The following NEBL variants were observed in gnomAD, a reference collection of about 807,000 sequenced individuals.
The protein encoded by NEBL is LIM and SH3 protein 2.
In NEBL, 122 loss-of-function variants were observed where a neutral mutation model predicts 140.2. The observed-to-expected ratio is 0.87, with a 90% CI of 0.75 to 1.01. The LOEUF (loss-of-function observed/expected upper bound fraction) is 1.01, where lower values mean the gene tolerates loss of function less well. Ranked by LOEUF, NEBL falls within the 50% of genes least tolerant of loss-of-function variation. NEBL has a pLI of 0.00. For missense variants in NEBL, 1,365 were observed against 1,231.3 expected (o/e 1.11, Z -1.62); for synonymous variants, 436 against 398.9 (o/e 1.09, Z -1.11).
intron 26 of NEBL, among the ~76,000 whole-genome samples, chr10:20,805,319 T>A (rs1837508415): frequency 6.6e-6 from 1 of 152,328 alleles, no homozygotes; most frequent in Middle Eastern, 3.4e-3. Context: ...AGAATGTGCT[T>A]TGCTTCACTT....
At chr10:20,811,995 A>G (rs898741330) in intron 24 of NEBL, among the ~76,000 whole-genome samples, 1 of 152,206 alleles carries the variant, frequency 6.6e-6, no homozygotes, top group Non-Finnish European at 1.5e-5. Flanking sequence ...AGGAACAGAT[A>G]GCAGGAATAA....
rs1229158872 is a variant in NEBL, at chr10:20,888,083, T to C, written c.369+14A>G. On this transcript the variant is annotated intron_variant, in intron 4 of 27. Transcript: ENST00000377122. ...TTATCTACAAAATCATGAAACACTT[T>C]AGAAAAACCCTACCTCACTCTGGAG... The C allele has an allele frequency of 3.9e-6, 6 of 1,547,822 alleles. No homozygotes were observed. The highest frequency in any genetic ancestry group is 4.5e-5 in the East Asian group (2 of 44,520).
At chr10:20,798,598 T>A (rs1836803112) in intron 26 of NEBL, among the ~76,000 whole-genome samples, 1 of 152,230 alleles carries the variant, frequency 6.6e-6, no homozygotes, top group Admixed American at 6.5e-5. Flanking sequence ...TATTTTCTCC[T>A]TTACATGCAT....
chr10:21,067,529 CA>C (rs1835622055), intron 2 of NEBL, among the ~76,000 whole-genome samples: 1 of 151,766 alleles, frequency 6.6e-6, no homozygotes, highest in African/African-American at 2.4e-5. Context: ...TTATGTATGC[CA>C]AAAAACAAAT....
chr10:21,114,349 T>A (rs1319565121), intron 2 of NEBL, among the ~76,000 whole-genome samples: 1 of 152,124 alleles, frequency 6.6e-6, no homozygotes, highest in East Asian at 1.9e-4. Flanking sequence ...CAAAATATGG[T>A]CTATCTTGGT....
chr10:21,034,167 G>GAA (rs964552949), intron 2 of NEBL, among the ~76,000 whole-genome samples: 359 of 32,724 alleles, frequency 0.011, 9 homozygotes, highest in African/African-American at 0.024. Context: ...ACCCTATCTC[G>GAA]AAAAAAAAAA....
intron 11 of NEBL, among the ~76,000 whole-genome samples, chr10:20,847,782 T>G (rs1842088149): frequency 6.6e-6 from 1 of 152,208 alleles, no homozygotes; most frequent in Non-Finnish European, 1.5e-5. Flanking sequence ...TTAACCCATT[T>G]CCGTTTTGCC....
At chr10:20,913,267 A>G (rs1848405083) in intron 4 of NEBL, among the ~76,000 whole-genome samples, 1 of 152,154 alleles carries the variant, frequency 6.6e-6, no homozygotes, top group Non-Finnish European at 1.5e-5. Context: ...TTTGAAAGGC[A>G]CCTGCTGAAG....
chr10:20,866,011 C>T (rs1250740812), intron 7 of NEBL, among the ~76,000 whole-genome samples: 1 of 152,110 alleles, frequency 6.6e-6, no homozygotes. Context: ...ACCATGTTAA[C>T]CTTCCCTAAG....
At chr10:21,151,322 G>T (rs1328791403) in intron 2 of NEBL, among the ~76,000 whole-genome samples, 1 of 152,076 alleles carries the variant, frequency 6.6e-6, no homozygotes, top group Non-Finnish European at 1.5e-5. Flanking sequence ...ACTTCCAGGG[G>T]GTCCAACTCC....
At chr10:20,911,077 T>C (rs992631673) in intron 4 of NEBL, among the ~76,000 whole-genome samples, 3 of 151,948 alleles carry the variant, frequency 2.0e-5, no homozygotes, top group African/African-American at 7.3e-5. Flanking sequence ...AGTGGGAGAA[T>C]TGCTTGAGCC....
intron 22 of NEBL, among the ~76,000 whole-genome samples, chr10:20,814,530 A>G (rs979355904): frequency 2.0e-5 from 3 of 151,850 alleles, no homozygotes; most frequent in African/African-American, 7.3e-5. Context: ...TGAGCCCAGG[A>G]GTTCAAAGCT....
intron 4 of NEBL, among the ~76,000 whole-genome samples, chr10:20,923,469 G>C (rs1444106792): frequency 1.3e-5 from 2 of 151,628 alleles, no homozygotes; most frequent in East Asian, 3.9e-4. Context: ...ACGAGGTCAG[G>C]AGATCAAGAC....
intron 3 of NEBL, among the ~76,000 whole-genome samples, chr10:21,180,648 C>T (rs1483033545): frequency 6.6e-6 from 1 of 152,134 alleles, no homozygotes; most frequent in African/African-American, 2.4e-5. Context: ...TGATCCAGAA[C>T]CCTAAAAATC....
Position 20,812,797 on chromosome 10 carries a change from C to G in NEBL, c.2490G>C (p.Glu830Asp). 2 of 1,614,022 alleles carry G rather than the reference C, an allele frequency of 1.2e-6. No individual in the cohort carries two copies. Among genetic ancestry groups the G allele is most frequent in the Non-Finnish European group, 1.7e-6 (2 of 1,179,936 alleles). Reference protein sequence around the residue: ...AYKGVHPHIVEMDRRPGIIVD... With the variant: ...AYKGVHPHIVDMDRRPGIIVD... ...CAATGATTCCAGGTCTCCTGTCCAT[C>G]TCCACGATGTGAGGGTGGACCCCTT... is the stretch of plus-strand genomic sequence containing the variant. Residue 830 changes from glutamate to aspartate, a missense_variant, in exon 24 of 28, where the codon GAG (glutamate) becomes GAC (aspartate). This residue lies in a region of NEBL where 1,323 missense variants were observed against 1,154.8 expected (regional missense o/e 1.15). Coordinates refer to ENST00000377122, the MANE Select transcript of NEBL (RefSeq NM_006393.3).
rs559652205 is a variant in NEBL, at chr10:20,930,287, T to C, written c.357+31385A>G. 2.0e-5 allele frequency among the ~76,000 whole-genome samples: 3 copies of C among 152,302 alleles called. No homozygotes were observed. In the East Asian group the frequency reaches 5.8e-4, roughly 29 times the overall value. Reference sequence around the variant, plus strand: ...TTTCCCTACTCCCTCATTACAAACATTTCATCCTTCGACACGTTTTATTGG... The same window carrying C: ...TTTCCCTACTCCCTCATTACAAACACTTCATCCTTCGACACGTTTTATTGG... On this transcript the variant is annotated intron_variant, in intron 4 of 6. Coordinates refer to the NEBL transcript ENST00000417816.
In NEBL at chr10:20,978,416, C is replaced by A. The variant is rs1033342296; in HGVS notation, c.250-16637G>T. Among the ~76,000 whole-genome samples, 6 of 143,530 alleles carry A rather than the reference C, an allele frequency of 4.2e-5. No individual in the cohort carries two copies. The East Asian group carries it at 1.3e-3, about 31-fold the overall frequency. 94.2% of individuals were successfully genotyped at this position (143,530 alleles called of 152,430 possible). On this transcript the variant is annotated intron_variant, in intron 3 of 6. Transcript: ENST00000417816. ...TTATGACATTTCTCAGTAAAATTAA[C>A]AAGAAAAGCTAACCAAAAAAAAAAA...
At chr10:20,866,196 T>C (rs745321099) in intron 7 of NEBL, among the ~76,000 whole-genome samples, 36 of 152,104 alleles carry the variant, frequency 2.4e-4, no homozygotes, top group Non-Finnish European at 4.1e-4. Context: ...TATTTTTTCA[T>C]AGAACACACC....
chr10:20,818,853 A>G (rs1336733954), intron 20 of NEBL: 2 of 990,570 alleles, frequency 2.0e-6, no homozygotes, highest in Non-Finnish European at 2.4e-6. Context: ...AGGAAATGTG[A>G]AAAGGAACAT....
Sources: allele counts gnomAD v4.1 joint callset (sites outside exome capture counted in the v4.1 genomes callset), GRCh38; gene constraint gnomAD v4.1.1; regional missense constraint gnomAD v4.1.1; transcripts MANE v1.5; gene names NCBI Gene and HGNC (gene_info 2026-07-23, HGNC 2026-07-21).